The following PSMD3 variants were observed in gnomAD, a reference collection of about 807,000 sequenced individuals.
PSMD3 encodes 26S proteasome non-ATPase regulatory subunit 3.
Under a neutral mutation model 62.8 loss-of-function variants are expected in PSMD3, and 5 were observed. The ratio of observed to expected loss-of-function variants is 0.08; its 90% confidence interval spans 0.04 to 0.17. The LOEUF (loss-of-function observed/expected upper bound fraction) is 0.17. Among genes scored for constraint, PSMD3 ranks in the 10% least tolerant of loss-of-function variants. The pLI is 1.00. For synonymous variants in PSMD3, 265 were observed against 283.9 expected (o/e 0.93, Z 0.67); for missense variants, 524 against 713.6 (o/e 0.73, Z 3.03).
At chr17:39,984,660 T>TA (rs1432402736) in intron 2 of PSMD3, among the ~76,000 whole-genome samples, 176 bp downstream of exon 2, 2 of 152,186 alleles carry the variant, frequency 1.3e-5, no homozygotes, top group Non-Finnish European at 2.9e-5. Context: ...CACTGCCCTG[T>TA]AGTGTCATTC....
chr17:39,990,417 C>A (rs555071602), intron 6 of PSMD3, among the ~76,000 whole-genome samples: 1 of 152,086 alleles, frequency 6.6e-6, no homozygotes, highest in South Asian at 2.1e-4. Flanking sequence ...ATGCTAGGGG[C>A]TAGGAAAGGC....
rs1482810700 is a variant in PSMD3 at position 39,994,951 on chromosome 17, C to T, written c.982-3C>T. On this transcript the variant is annotated splice_region_variant and splice_polypyrimidine_tract_variant and intron_variant, in intron 6 of 11. Transcript: ENST00000264639. ...CACTGTGTTCCCCTGTCACTCTGTC[C>T]AGGTGCACAAGCTTCTCATCGTGGT... The T allele has an allele frequency of 6.2e-7, 1 of 1,613,946 alleles. No individual in the cohort carries two copies. The highest frequency in any genetic ancestry group is 1.1e-5 in the South Asian group (1 of 91,078).
In PSMD3 at chr17:39,997,620, G is replaced by A. The variant is rs562628823; in HGVS notation, c.*39G>A. On this transcript the variant is annotated 3_prime_UTR_variant, in exon 12 of 12. Transcript: ENST00000264639. ...GGAGGGGTAGGGGGAATGGGGACAG[G>A]CTCTTTCCCCCTTGGGGGTCCCCTG... The A allele has an allele frequency of 3.2e-6, 5 of 1,562,234 alleles. No individual in the cohort carries two copies. The highest frequency in any genetic ancestry group is 1.7e-5 in the Admixed American group (1 of 59,364).
chr17:39,982,754 A>G (rs914389177), intron 1 of PSMD3, among the ~76,000 whole-genome samples: 3 of 152,238 alleles, frequency 2.0e-5, no homozygotes, highest in Admixed American at 2.0e-4. Flanking sequence ...GAATATACAG[A>G]AGTGCCTAAG....
At chr17:39,991,299 C>T (rs1447664886) in intron 6 of PSMD3, among the ~76,000 whole-genome samples, 2 of 152,052 alleles carry the variant, frequency 1.3e-5, no homozygotes, top group Non-Finnish European at 2.9e-5. Flanking sequence ...GGATTACAGG[C>T]GCCTGCCACC....
At position 39,989,812 on chromosome 17, in the gene PSMD3, C is replaced by T; in HGVS notation, c.760C>T (p.Leu254=). Residue 254 remains leucine, a synonymous_variant, in exon 5 of 12, where the codon CTG becomes TTG. Transcript: ENST00000264639. ...ADGQATLLNL[L]LRNYLHYSLY... is the part of the protein sequence containing the mutation. ...CGGGCAGGCCACCCTGTTGAACCTCCTGCTGCGGAATTACCTACACTACAG... is the reference window on the plus strand; with the variant it reads ...CGGGCAGGCCACCCTGTTGAACCTCTTGCTGCGGAATTACCTACACTACAG... 1 of 1,614,246 alleles carries T rather than the reference C, an allele frequency of 6.2e-7. No homozygotes were observed. The highest frequency in any genetic ancestry group is 8.5e-7 in the Non-Finnish European group (1 of 1,180,050).
At chr17:39,988,431 AGTAATATTCCCTCGT>A (rs1980577158) in intron 3 of PSMD3, among the ~76,000 whole-genome samples, 1 of 152,070 alleles carries the variant, frequency 6.6e-6, no homozygotes, top group African/African-American at 2.4e-5. Context: ...TTTAAGGCTG[AGTAATATTCCCTCGT>A]GTGGATGTGC....
chr17:39,982,008 A>G (rs967180335), intron 1 of PSMD3, among the ~76,000 whole-genome samples: 10 of 152,272 alleles, frequency 6.6e-5, no homozygotes, highest in Admixed American at 6.5e-4. Context: ...AGAGCTTCCC[A>G]CTGTGATCCT....
chr17:39,981,909 C>T (rs915659526), intron 1 of PSMD3, among the ~76,000 whole-genome samples: 5 of 152,172 alleles, frequency 3.3e-5, no homozygotes, highest in African/African-American at 4.8e-5. Flanking sequence ...GTTCCTGTTT[C>T]GAGTGTCTGT....
chr17:39,992,072 G>A (rs906264583), intron 6 of PSMD3, among the ~76,000 whole-genome samples: 2 of 151,060 alleles, frequency 1.3e-5, no homozygotes, highest in African/African-American at 4.9e-5. Flanking sequence ...AAGATGGGTA[G>A]GATTTTCACA....
rs773895325 is a variant in PSMD3, at chr17:39,989,728, C to T, written c.687-11C>T. 1 of 1,607,636 alleles carries T rather than the reference C, an allele frequency of 6.2e-7. No homozygotes were observed. Among genetic ancestry groups the T allele is most frequent in the East Asian group, 2.2e-5 (1 of 44,734 alleles). ...TTTGAAGGCTTTGACATCTTTCTTT[C>T]CTTCTTGAAGCTTCTTGCATGCTCG... On this transcript the variant is annotated splice_polypyrimidine_tract_variant and intron_variant, in intron 4 of 11. Coordinates refer to ENST00000264639, the MANE Select transcript of PSMD3 (RefSeq NM_002809.4).
chr17:39,997,941 TA>T lies in PSMD3; in HGVS notation c.*365del. ...AGCTTCGATTATGATTTTTAAACAA[TA>T]AAAAGTTCTCCACAGTGCTTTGTGC... On this transcript the variant is annotated 3_prime_UTR_variant, in exon 12 of 12. Transcript: ENST00000264639. The T allele has an allele frequency of 3.2e-6, 1 of 308,198 alleles. No homozygotes were observed. The highest frequency in any genetic ancestry group is 6.3e-6 in the Non-Finnish European group (1 of 159,400). The allele number at this position is 308,198 out of a possible 1,614,324, so 19.1% of individuals were successfully genotyped here.
chr17:39,980,912 C>G lies in PSMD3; in HGVS notation c.-59C>G. The G allele has an allele frequency of 7.1e-7, 1 of 1,404,196 alleles. No individual in the cohort carries two copies. The highest frequency in any genetic ancestry group is 9.4e-7 in the Non-Finnish European group (1 of 1,066,814). The allele number at this position is 1,404,196 out of a possible 1,614,324, so 87.0% of individuals were successfully genotyped here. Reference sequence around the variant, plus strand: ...CCGGCTCGGCTCCTGGTCCCCGGTGCGAGGGTTAACGCGAGGCCCCGGCCT... The same window carrying G: ...CCGGCTCGGCTCCTGGTCCCCGGTGGGAGGGTTAACGCGAGGCCCCGGCCT... On this transcript the variant is annotated 5_prime_UTR_variant, in exon 1 of 12. Coordinates refer to ENST00000264639, the MANE Select transcript of PSMD3 (RefSeq NM_002809.4).
Position 39,981,182 on chromosome 17 carries a change from C to T in PSMD3, c.212C>T (p.Thr71Ile), listed in dbSNP as rs938324805. The part of the protein sequence containing the change: ...EHSQRELDTV[T>I]LEDIKEHVKQ... ...TCCCAGCGAGAGCTGGACACAGTCA[C>T]CTTGGAGGGTACGGCAGCCCAGGCC... The change falls in exon 1 of 12, where the codon ACC becomes ATC. Residue 71 changes from threonine to isoleucine, a missense_variant. This residue lies in a region of PSMD3 where 396 missense variants were observed against 475.8 expected (regional missense o/e 0.83). Transcript: ENST00000264639. 2 of 1,550,518 alleles carry T rather than the reference C, an allele frequency of 1.3e-6. No individual in the cohort carries two copies. Among genetic ancestry groups the T allele is most frequent in the Non-Finnish European group, 1.7e-6 (2 of 1,146,814 alleles).
chr17:39,997,216 C>G, intron 10 of PSMD3, 114 bp from the exon 11 acceptor site: 2 of 967,750 alleles, frequency 2.1e-6, no homozygotes, highest in Non-Finnish European at 3.3e-6. Flanking sequence ...GGAGAGGGGC[C>G]CGCCGCTTCC....
intron 6 of PSMD3, among the ~76,000 whole-genome samples, chr17:39,990,598 A>C (rs1173150004): frequency 1.3e-5 from 2 of 152,162 alleles, no homozygotes; most frequent in East Asian, 1.9e-4. Context: ...TGTCTGCAAA[A>C]GGTTGCTTCA....
intron 10 of PSMD3, 98 bp from the exon 11 acceptor site, chr17:39,997,231 TG>T: frequency 8.5e-7 from 1 of 1,175,702 alleles, no homozygotes; most frequent in Non-Finnish European, 1.3e-6. Context: ...GCTTCCTGCC[TG>T]GTGTCTAGCT....
rs931066199 is a variant in PSMD3, at chr17:39,997,917, G to A, written c.*336G>A. The A allele has an allele frequency of 2.3e-5, 8 of 354,864 alleles. No individual in the cohort carries two copies. The highest frequency in any genetic ancestry group is 3.7e-5 in the Non-Finnish European group (7 of 189,186). 22.0% of individuals were successfully genotyped at this position (354,864 alleles called of 1,614,324 possible). A position where few individuals can be genotyped will look rare whatever the true frequency, so the allele number is the denominator to read the frequency against. On this transcript the variant is annotated 3_prime_UTR_variant, in exon 12 of 12. Coordinates refer to ENST00000264639, the MANE Select transcript of PSMD3 (RefSeq NM_002809.4). ...TGTCTTGGCTTGTATGTTTTTTGAA[G>A]CTTCGATTATGATTTTTAAACAATA...
In PSMD3 at chr17:39,996,084, A is replaced by T; in HGVS notation, c.1321-99A>T. On this transcript the variant is annotated intron_variant, in intron 9 of 11. Transcript: ENST00000264639. The surrounding 1 kb of genome is among the most constrained non-coding windows in gnomAD (Gnocchi z 5.1). The stretch of plus-strand genomic sequence containing the variant: ...CAGTGAGCTGAGATCGCACCACCGC[A>T]CTCTCCTGCCTGGGTGACAGAGCGA... The T allele has an allele frequency of 6.9e-7, 1 of 1,454,604 alleles. No individual in the cohort carries two copies. Among genetic ancestry groups the T allele is most frequent in the Middle Eastern group, 2.4e-4 (1 of 4,182 alleles). 90.1% of individuals were successfully genotyped at this position (1,454,604 alleles called of 1,614,324 possible). A position where few individuals can be genotyped will look rare whatever the true frequency, so the allele number is the denominator to read the frequency against.
Sources: gnomAD v4.1 joint callset for allele counts (sites outside exome capture counted in the v4.1 genomes callset) on GRCh38, gnomAD v4.1.1 for gene constraint, gnomAD v4.1.1 regional missense constraint, Gnocchi (gnomAD v3.1) non-coding constraint, MANE v1.5 for transcripts, NCBI Gene and HGNC (gene_info 2026-07-23, HGNC 2026-07-21) for gene names.